The following RNPEP variants were observed in gnomAD, a reference collection of about 807,000 sequenced individuals.
The protein encoded by RNPEP is aminopeptidase B.
Under a neutral mutation model 70.1 loss-of-function variants are expected in RNPEP, and 57 were observed. The ratio of observed to expected loss-of-function variants is 0.81; its 90% CI spans 0.66 to 1.01. The LOEUF (loss-of-function observed/expected upper bound fraction) is 1.01. RNPEP is among the 50% of genes least tolerant of loss of function. The pLI is 0.00. For missense variants in RNPEP, 787 were observed against 852.4 expected (o/e 0.92, Z 0.96); for synonymous variants, 335 against 357.4 (o/e 0.94, Z 0.71).
rs1558257963 is a variant in RNPEP at position 201,984,821 on chromosome 1, C to CTTTTTTCTTTT, written c.447+1714_447+1715insCTTTTTTTTTT. Among the ~76,000 whole-genome samples, 8 of 121,998 alleles carry CTTTTTTCTTTT rather than the reference C, an allele frequency of 6.6e-5. 1 individual carries two copies. Among genetic ancestry groups the CTTTTTTCTTTT allele is most frequent in the African/African-American group, 1.9e-4 (6 of 30,902 alleles). 80.0% of individuals were successfully genotyped at this position (121,998 alleles called of 152,430 possible). A position where few individuals can be genotyped will look rare whatever the true frequency, so the allele number is the denominator to read the frequency against. On this transcript the variant is annotated intron_variant, in intron 1 of 10. Coordinates refer to ENST00000295640, the MANE Select transcript of RNPEP (RefSeq NM_020216.4). ...TTACTGCTAACTTTTGTATTTCTTTCTTTTTTTTTTTTTTTTTTTTTTTTT... is the reference window on the plus strand; with the variant it reads ...TTACTGCTAACTTTTGTATTTCTTTCTTTTTTCTTTTTTTTTTTTTTTTTTTTTTTTTTTTT...
chr1:201,984,075 C>T (rs1683038296), intron 1 of RNPEP, among the ~76,000 whole-genome samples: 1 of 152,162 alleles, frequency 6.6e-6, no homozygotes, highest in African/African-American at 2.4e-5. Context: ...GGACTACAGG[C>T]GTGCGCCACC....
chr1:201,997,036 C>T (rs1247833825), intron 4 of RNPEP, among the ~76,000 whole-genome samples: 2 of 152,098 alleles, frequency 1.3e-5, no homozygotes, highest in Non-Finnish European at 2.9e-5. Flanking sequence ...ACATTTATCA[C>T]CTCCACCCCT....
chr1:202,001,104 C>A lies in RNPEP; in HGVS notation c.1205-272C>A. The A allele has an allele frequency of 9.3e-6, 4 of 429,982 alleles. No homozygotes were observed. The South Asian group carries it at 1.2e-4, about 13-fold the overall frequency. 26.6% of individuals were successfully genotyped at this position (429,982 alleles called of 1,614,324 possible). ...CATATTAGATCCACAGTGAATGGCCCTCTGAGATCTTGGAAGTACCTTGAG... is the reference window on the plus strand; with the variant it reads ...CATATTAGATCCACAGTGAATGGCCATCTGAGATCTTGGAAGTACCTTGAG... On this transcript the variant is annotated intron_variant, in intron 6 of 10. Transcript: ENST00000295640.
Position 201,999,993 on chromosome 1 carries a change from G to A in RNPEP, c.1182G>A (p.Lys394=). The A allele has an allele frequency of 6.2e-7, 1 of 1,613,754 alleles. No individual in the cohort carries two copies. Among genetic ancestry groups the A allele is most frequent in the Non-Finnish European group, 8.5e-7 (1 of 1,179,842 alleles). Residue 394 remains lysine, a synonymous_variant, in exon 6 of 11, where the codon AAG becomes AAA. Transcript: ENST00000295640. Reference sequence around the variant, plus strand: ...CTGGAGAGGAAAACCCACTCAACAAGCTCCGCGTGAAGATTGAACCAGGTC... The same window carrying A: ...CTGGAGAGGAAAACCCACTCAACAAACTCCGCGTGAAGATTGAACCAGGTC... The part of the protein sequence containing the change: ...DITGEENPLN[K]LRVKIEPGVD...
intron 1 of RNPEP, among the ~76,000 whole-genome samples, chr1:201,984,824 T>TTTTCTTTTTC (rs1273239535): frequency 0.23 from 2,033 of 8,938 alleles, 240 homozygotes; most frequent in East Asian, 0.37. Flanking sequence ...TTTCTTTCTT[T>TTTTCTTTTTC]TTTTTTTTTT....
chr1:202,001,512 G>A (rs1683808627), intron 7 of RNPEP, 24 bp downstream of exon 7: 8 of 1,564,780 alleles, frequency 5.1e-6, no homozygotes, highest in Non-Finnish European at 6.2e-6. Context: ...AGGGGAGAAG[G>A]AAGAGGAGCG....
chr1:201,999,918 C>G lies in RNPEP; in HGVS notation c.1107C>G (p.Cys369Trp), dbSNP rs375070269. ...STILFGAAYT[C>W]LEAATGRALL... ...CTGCACCAGGCGCTGCGTACACCTG[C>G]TTGGAGGCTGCAACGGGGCGGGCTC... Residue 369 changes from cysteine (C) to tryptophan (W), a missense_variant, in exon 6 of 11, where the codon TGC becomes TGG. Physicochemically the swap from Cys to Trp is radical, Grantham distance 215. Coordinates refer to ENST00000295640, the MANE Select transcript of RNPEP (RefSeq NM_020216.4). 6.8e-6 allele frequency: 11 copies of G among 1,613,684 alleles called. No individual in the cohort carries two copies. The highest frequency in any genetic ancestry group is 9.3e-6 in the Non-Finnish European group (11 of 1,179,840).
chr1:201,997,747 A>T (rs1683614475), intron 5 of RNPEP, among the ~76,000 whole-genome samples, 193 bp downstream of exon 5: 1 of 148,264 alleles, frequency 6.7e-6, no homozygotes, highest in African/African-American at 2.5e-5. Context: ...TTTTAAAAAA[A>T]CATTTCCCCA....
intron 6 of RNPEP, among the ~76,000 whole-genome samples, chr1:202,000,799 C>A (rs968478679): frequency 2.6e-5 from 4 of 151,134 alleles, no homozygotes; most frequent in Admixed American, 6.6e-5. Flanking sequence ...GAGGCTGAGG[C>A]AGGAGAATCG....
chr1:202,002,217 G>A (rs1307901774), intron 8 of RNPEP, among the ~76,000 whole-genome samples: 1 of 149,166 alleles, frequency 6.7e-6, no homozygotes, highest in Non-Finnish European at 1.5e-5. Flanking sequence ...AGGCTGGAGT[G>A]CAATGGCACG....
rs1159741553 is a variant in RNPEP, at chr1:202,004,415, C to T, written c.1713C>T (p.Leu571=). ...TCTCAAATGCCCGGAATGCAGAGCT[C>T]CGGCTGCGATGGGGCCAAATCGTCC... ...PSISNARNAE[L]RLRWGQIVLK... is the part of the protein sequence containing the mutation. The change falls in exon 10 of 11, where the codon CTC becomes CTT. Residue 571 remains leucine (L), a synonymous_variant. Transcript: ENST00000295640. The T allele has an allele frequency of 6.2e-7, 1 of 1,614,174 alleles. No homozygotes were observed. The highest frequency in any genetic ancestry group is 2.2e-5 in the East Asian group (1 of 44,878).
Position 201,982,894 on chromosome 1 carries a change from C to G in RNPEP, c.228C>G (p.Ala76=). The stretch of plus-strand genomic sequence containing the variant: ...GCTGCCTGGAGCCCGAGGGCGCCGC[C>G]GAGCTGCGGCTGGACTCGCACCCGT... ...DLRCLEPEGA[A]ELRLDSHPCL... The change falls in exon 1 of 11, where the codon GCC becomes GCG. Residue 76 remains alanine (A), a synonymous_variant. Transcript: ENST00000295640. The G allele has an allele frequency of 7.0e-7, 1 of 1,426,708 alleles. No individual in the cohort carries two copies. The highest frequency in any genetic ancestry group is 3.0e-5 in the East Asian group (1 of 33,146). 88.4% of individuals were successfully genotyped at this position (1,426,708 alleles called of 1,614,324 possible).
intron 4 of RNPEP, 68 bp downstream of exon 4, chr1:201,996,331 G>A (rs568739372): frequency 1.6e-4 from 180 of 1,150,360 alleles, no homozygotes; most frequent in African/African-American, 3.6e-4. Flanking sequence ...CTTCCTCTTC[G>A]TGTGGCTTTT....
At chr1:201,999,658 C>T (rs948507061) in intron 5 of RNPEP, among the ~76,000 whole-genome samples, 3 of 152,226 alleles carry the variant, frequency 2.0e-5, no homozygotes, top group African/African-American at 7.2e-5. Flanking sequence ...GGAGAGAGAC[C>T]AACAGCCTGA....
At chr1:201,996,465 T>TTGTA (rs1683556688) in intron 4 of RNPEP, 1 of 230,686 alleles carries the variant, frequency 4.3e-6, no homozygotes, top group Non-Finnish European at 8.3e-6. Flanking sequence ...ATGAGGTTCT[T>TTGTA]TGTGTGTGTG....
In RNPEP at chr1:202,001,641, A is replaced by T; in HGVS notation, c.1318-18A>T. 2 of 1,585,992 alleles carry T rather than the reference A, an allele frequency of 1.3e-6. No homozygotes were observed. The highest frequency in any genetic ancestry group is 1.7e-6 in the Non-Finnish European group (2 of 1,154,396). ...CCACGGGGCCAGAGAGGGTCTAAAGAGCTTTCCCTCCTCACAGGCCTATGT... is the reference window on the plus strand; with the variant it reads ...CCACGGGGCCAGAGAGGGTCTAAAGTGCTTTCCCTCCTCACAGGCCTATGT... On this transcript the variant is annotated intron_variant, in intron 7 of 10. Coordinates refer to ENST00000295640, the MANE Select transcript of RNPEP (RefSeq NM_020216.4).
intron 3 of RNPEP, among the ~76,000 whole-genome samples, chr1:201,992,614 G>T (rs146391964): frequency 5.9e-4 from 90 of 152,138 alleles, no homozygotes; most frequent in Non-Finnish European, 7.8e-4. Context: ...GGGCAGTCAA[G>T]ACCCTCCTGA....
chr1:201,988,968 AG>A lies in RNPEP; in HGVS notation c.514del (p.Ala172LeufsTer3), dbSNP rs748052297. ...AAGCCCTTCGTGTACACCCAGGGCC[AG>A]GCTGTCCTAAACCGGGCCTTCTTCC... ...KKKPFVYTQGQAVLNRAFFPC... is the reference protein window; with the variant it reads ...KKKPFVYTQGXAVLNRAFFPC... On this transcript the variant is annotated frameshift_variant, in exon 2 of 11. Coordinates refer to ENST00000295640, the MANE Select transcript of RNPEP (RefSeq NM_020216.4). LOFTEE classifies it high-confidence loss of function. 4.8e-5 allele frequency: 77 copies of A among 1,614,046 alleles called. No homozygotes were observed. Among genetic ancestry groups the A allele is most frequent in the Non-Finnish European group, 5.6e-5 (66 of 1,180,030 alleles).
Position 202,001,357 on chromosome 1 carries a change from C to G in RNPEP, c.1205-19C>G, listed in dbSNP as rs1683798736. 3 of 1,565,060 alleles carry G rather than the reference C, an allele frequency of 1.9e-6. No homozygotes were observed. Among genetic ancestry groups the G allele is most frequent in the East Asian group, 4.5e-5 (2 of 44,690 alleles). ...CAGGCTACAAAAGCTCAAATCTTGT[C>G]TGCTTTCTCCTCTGCCAGGCGTTGA... is the stretch of plus-strand genomic sequence containing the variant. On this transcript the variant is annotated intron_variant, in intron 6 of 10. Coordinates refer to ENST00000295640, the MANE Select transcript of RNPEP (RefSeq NM_020216.4).
Sources: gnomAD v4.1 joint callset for allele counts (sites outside exome capture counted in the v4.1 genomes callset) on GRCh38, gnomAD v4.1.1 for gene constraint, MANE v1.5 for transcripts, NCBI Gene and HGNC (gene_info 2026-07-23, HGNC 2026-07-21) for gene names.